The following ALDH1A1 variants were observed in gnomAD, a reference collection of about 807,000 sequenced individuals.
ALDH1A1 encodes the protein aldehyde dehydrogenase 1 family member A1.
Under a neutral mutation model 62.1 loss-of-function variants are expected in ALDH1A1, and 19 were observed. The ratio of observed to expected loss-of-function variants is 0.31; its 90% CI spans 0.21 to 0.45. The LOEUF (loss-of-function observed/expected upper bound fraction) is 0.45, where lower values mean the gene tolerates loss of function less well. Ranked by LOEUF, ALDH1A1 falls within the 20% of genes least tolerant of loss-of-function variation. The pLI is 1.00. For missense variants in ALDH1A1, 521 were observed against 607.1 expected (o/e 0.86, Z 1.49); for synonymous variants, 231 against 215.9 (o/e 1.07, Z -0.61).
intron 9 of ALDH1A1, 24 bp from the exon 10 acceptor site, chr9:72,912,146 A>C: frequency 6.3e-7 from 1 of 1,596,608 alleles, no homozygotes; most frequent in Non-Finnish European, 8.6e-7. Context: ...ATCACATGAA[A>C]AGAAAAAAAG....
intron 4 of ALDH1A1, among the ~76,000 whole-genome samples, chr9:72,928,342 A>G (rs1830237207): frequency 6.6e-6 from 1 of 152,180 alleles, no homozygotes; most frequent in Admixed American, 6.5e-5. Context: ...ACACACACAA[A>G]CCCTTAACTT....
At chr9:72,924,445 T>G (rs1159397708) in intron 6 of ALDH1A1, among the ~76,000 whole-genome samples, 1 of 152,244 alleles carries the variant, frequency 6.6e-6, no homozygotes, top group East Asian at 1.9e-4. Context: ...AAAAAGTGTT[T>G]GGTAAGTTAC....
At chr9:72,902,238 A>G (rs546576380) in intron 12 of ALDH1A1, among the ~76,000 whole-genome samples, 2 of 152,166 alleles carry the variant, frequency 1.3e-5, no homozygotes, top group East Asian at 3.9e-4. Context: ...GATGACTAAA[A>G]AGATTGGGCT....
intron 9 of ALDH1A1, among the ~76,000 whole-genome samples, chr9:72,914,383 A>G (rs901500516): frequency 1.3e-5 from 2 of 152,182 alleles, no homozygotes; most frequent in African/African-American, 4.8e-5. Context: ...ACTCTGATGG[A>G]TACATTTTAT....
At chr9:72,938,816 C>T (rs1007843924) in intron 2 of ALDH1A1, among the ~76,000 whole-genome samples, 7 of 151,680 alleles carry the variant, frequency 4.6e-5, no homozygotes, top group Non-Finnish European at 8.8e-5. Context: ...TATCTTGGCT[C>T]ACTGCAACCT....
chr9:72,910,252 G>A (rs1412777073), intron 10 of ALDH1A1, among the ~76,000 whole-genome samples: 1 of 152,102 alleles, frequency 6.6e-6, no homozygotes. Flanking sequence ...TATGCCATTG[G>A]TAAAATATTA....
chr9:72,944,114 T>A (rs1803196636), intron 1 of ALDH1A1, among the ~76,000 whole-genome samples: 1 of 151,926 alleles, frequency 6.6e-6, no homozygotes, highest in Non-Finnish European at 1.5e-5. Flanking sequence ...GAGAAAGAAG[T>A]TTAGGCTCTA....
chr9:72,952,561 C>T (rs8187868), intron 1 of ALDH1A1, among the ~76,000 whole-genome samples: 2,325 of 151,896 alleles, frequency 0.015, 60 homozygotes, highest in African/African-American at 0.05. Context: ...TTCTATTGTT[C>T]CTACTCGTTT....
chr9:72,910,078 T>C (rs1306788595), intron 10 of ALDH1A1, among the ~76,000 whole-genome samples: 1 of 152,196 alleles, frequency 6.6e-6, no homozygotes, highest in Non-Finnish European at 1.5e-5. Context: ...TCTTTTTCAC[T>C]TGGGAATATT....
chr9:72,952,809 A>C, intron 1 of ALDH1A1, 126 bp downstream of exon 1: 1 of 1,012,226 alleles, frequency 9.9e-7, no homozygotes, highest in South Asian at 1.8e-5. Flanking sequence ...TGCATTTTGC[A>C]TGCCTTTTAT....
At chr9:72,918,941 C>A in intron 7 of ALDH1A1, 119 bp from the exon 8 acceptor site, 1 of 668,606 alleles carries the variant, frequency 1.5e-6, no homozygotes, top group Non-Finnish European at 2.5e-6. Flanking sequence ...GGAGAAACAC[C>A]AAATGGCTTT....
intron 10 of ALDH1A1, 50 bp from the exon 11 acceptor site, chr9:72,909,809 T>C: frequency 6.9e-7 from 1 of 1,457,894 alleles, no homozygotes; most frequent in East Asian, 2.4e-5. Context: ...AAATGAAATA[T>C]TTTAAATGAT....
intron 2 of ALDH1A1, among the ~76,000 whole-genome samples, chr9:72,937,020 C>T (rs1177233957): frequency 6.6e-6 from 1 of 152,100 alleles, no homozygotes; most frequent in Non-Finnish European, 1.5e-5. Context: ...GCTCAGCTAT[C>T]TGTGTTTTAA....
intron 7 of ALDH1A1, among the ~76,000 whole-genome samples, chr9:72,921,281 G>A (rs1018416522): frequency 4.6e-5 from 7 of 150,974 alleles, no homozygotes; most frequent in Admixed American, 1.3e-4. Flanking sequence ...TGCCTAAAGT[G>A]TTGTTAGAAT....
chr9:72,940,665 T>C (rs562959292), intron 1 of ALDH1A1, among the ~76,000 whole-genome samples: 2 of 152,302 alleles, frequency 1.3e-5, no homozygotes, highest in South Asian at 4.1e-4. Flanking sequence ...AAGAGACTAT[T>C]TTCTAATCCT....
intron 4 of ALDH1A1, 52 bp downstream of exon 4, chr9:72,928,840 G>A (rs1163142834): frequency 1.2e-5 from 18 of 1,561,776 alleles, no homozygotes; most frequent in Non-Finnish European, 1.3e-5. Context: ...CAGCTCTATA[G>A]TAAACTCCTC....
intron 3 of ALDH1A1, 71 bp from the exon 4 acceptor site, chr9:72,929,092 TCAGCAA>T: frequency 6.6e-7 from 1 of 1,504,308 alleles, no homozygotes; most frequent in East Asian, 2.4e-5. Context: ...GTAAATATTT[TCAGCAA>T]TCATGTGCTA....
chr9:72,922,302 G>A (rs1311298074), intron 7 of ALDH1A1, among the ~76,000 whole-genome samples: 1 of 152,156 alleles, frequency 6.6e-6, no homozygotes, highest in Non-Finnish European at 1.5e-5. Context: ...AAGACACACT[G>A]CTAGGAGGGG....
chr9:72,928,321 C>T (rs781284972), intron 4 of ALDH1A1, among the ~76,000 whole-genome samples: 6 of 152,082 alleles, frequency 3.9e-5, no homozygotes, highest in Non-Finnish European at 8.8e-5. Context: ...ATAACACATA[C>T]GTACAGATTC....
Sources: allele counts gnomAD v4.1 joint callset (sites outside exome capture counted in the v4.1 genomes callset), GRCh38; gene constraint gnomAD v4.1.1; transcripts MANE v1.5; gene names NCBI Gene and HGNC (gene_info 2026-07-23, HGNC 2026-07-21).